Variants in RBFOX1 observed in about 807,000 individuals in gnomAD.
The protein encoded by RBFOX1 is RNA binding protein fox-1 homolog 1.
In RBFOX1, 8 loss-of-function variants were observed where a neutral mutation model predicts 57.7. That is an observed-to-expected ratio of 0.14 (90% CI 0.08 to 0.25). The LOEUF (loss-of-function observed/expected upper bound fraction) is 0.25. Among genes scored for constraint, RBFOX1 ranks in the 10% least tolerant of loss-of-function variants. RBFOX1 has a pLI of 1.00. For synonymous variants in RBFOX1, 326 were observed against 222.4 expected, an observed-to-expected ratio of 1.47 and a Z score of -4.15; for missense variants, 611 against 548.5, an observed-to-expected ratio of 1.11 and a Z score of -1.14.
At chr16:5,591,368 CA>C (rs1161314603) in intron 2 of RBFOX1, among the ~76,000 whole-genome samples, 22 of 151,886 alleles carry the variant, frequency 1.4e-4, no homozygotes, top group Non-Finnish European at 2.8e-4. Flanking sequence ...TCTCCTGCCT[CA>C]GCCTCCCTAG....
At chr16:5,672,754 T>C (rs1239605348) in intron 3 of RBFOX1, among the ~76,000 whole-genome samples, 1 of 152,130 alleles carries the variant, frequency 6.6e-6, no homozygotes, top group East Asian at 1.9e-4. Flanking sequence ...TGCCTGTAAT[T>C]TGTGTGGCTC....
chr16:6,635,366 T>G (rs2098423236), intron 2 of RBFOX1, among the ~76,000 whole-genome samples: 1 of 152,118 alleles, frequency 6.6e-6, no homozygotes, highest in African/African-American at 2.4e-5. Context: ...TAAGTACAAG[T>G]GAAATCATTT....
At chr16:5,904,535 G>A (rs1325744037) in intron 4 of RBFOX1, among the ~76,000 whole-genome samples, 1 of 151,760 alleles carries the variant, frequency 6.6e-6, no homozygotes, top group Non-Finnish European at 1.5e-5. Flanking sequence ...TAGGCGGAAG[G>A]CAGGCAGGTG....
At chr16:7,678,919 T>G (rs570401093) in intron 14 of RBFOX1, among the ~76,000 whole-genome samples, 1 of 152,334 alleles carries the variant, frequency 6.6e-6, no homozygotes, top group Non-Finnish European at 1.5e-5. Context: ...TACCATAGTT[T>G]CAGTTGAAGA....
At chr16:5,631,562 A>G (rs1567322340) in intron 3 of RBFOX1, among the ~76,000 whole-genome samples, 1 of 152,080 alleles carries the variant, frequency 6.6e-6, no homozygotes, top group Admixed American at 6.6e-5. Context: ...TATTTAAAAA[A>G]AAAAAAAAAG....
rs143989300 is a variant in RBFOX1, at chr16:5,779,487, C to G, written c.319-87816C>G. Among the ~76,000 whole-genome samples the G allele has an allele frequency of 8.8e-4, 134 of 152,270 alleles. 1 individual carries two copies. The highest frequency in any genetic ancestry group is 3.5e-3 in the Admixed American group (53 of 15,294). ...TTACATGACTTATTGAGCCATTTAT[C>G]TCATGGTGTGGGGCCCAAGCTCTGT... On this transcript the variant is annotated intron_variant, in intron 3 of 19. Transcript: ENST00000641259.
intron 4 of RBFOX1, among the ~76,000 whole-genome samples, chr16:5,883,247 A>C (rs1226491290): frequency 1.3e-5 from 2 of 152,194 alleles, no homozygotes; most frequent in Non-Finnish European, 2.9e-5. Flanking sequence ...GTACATGTTG[A>C]TTTTAAAACA....
chr16:6,424,205 C>T (rs1157993888), intron 2 of RBFOX1, among the ~76,000 whole-genome samples: 1 of 152,218 alleles, frequency 6.6e-6, no homozygotes, highest in Admixed American at 6.5e-5. Flanking sequence ...CACCACTGCA[C>T]TGCAGCCTGG....
chr16:7,517,045 T>C (rs1196567201), intron 4 of RBFOX1, among the ~76,000 whole-genome samples: 1 of 152,048 alleles, frequency 6.6e-6, no homozygotes, highest in Non-Finnish European at 1.5e-5. Context: ...GCCTAATTGC[T>C]AAGTTTTTTT....
intron 13 of RBFOX1, among the ~76,000 whole-genome samples, chr16:7,667,019 T>G (rs1047778917): frequency 6.6e-6 from 1 of 152,174 alleles, no homozygotes; most frequent in African/African-American, 2.4e-5. Context: ...AGCCAGAAAT[T>G]ATCGTTTTCC....
chr16:5,686,175 G>T (rs1207406406), intron 3 of RBFOX1, among the ~76,000 whole-genome samples: 1 of 152,172 alleles, frequency 6.6e-6, no homozygotes, highest in Non-Finnish European at 1.5e-5. Flanking sequence ...AAGCAACATG[G>T]AATGTAGAAA....
rs71404558 is a variant in RBFOX1, at chr16:5,890,697, G to GAAA, written c.351+23384_351+23386dup. ...GGGTGACAGACAGAGAGTCTGTATT[G>GAAA]AAAAAAAAAAAAAAAAAAAAAAAAG... On this transcript the variant is annotated intron_variant, in intron 4 of 19. Transcript: ENST00000641259. Among the ~76,000 whole-genome samples, 456 of 61,446 alleles carry GAAA rather than the reference G, an allele frequency of 7.4e-3. 8 individuals carry two copies. Among genetic ancestry groups the GAAA allele is most frequent in the Middle Eastern group, 0.016 (1 of 62 alleles). 40.3% of individuals were successfully genotyped at this position (61,446 alleles called of 152,430 possible). A position where few individuals can be genotyped will look rare whatever the true frequency, so the allele number is the denominator to read the frequency against.
intron 2 of RBFOX1, among the ~76,000 whole-genome samples, chr16:6,389,031 C>G (rs2092454016): frequency 6.6e-6 from 1 of 152,170 alleles, no homozygotes; most frequent in African/African-American, 2.4e-5. Context: ...TACTGAGTTA[C>G]CTAAACTAGT....
intron 2 of RBFOX1, among the ~76,000 whole-genome samples, chr16:5,525,573 C>G (rs1207335547): frequency 1.4e-5 from 2 of 146,076 alleles, no homozygotes; most frequent in Non-Finnish European, 1.5e-5. Flanking sequence ...TCTCAGCTCA[C>G]TGCATTCTCC....
chr16:6,410,168 C>CTGTGTGTGTGTGTGTGTG (rs3066618), intron 2 of RBFOX1, among the ~76,000 whole-genome samples: 5 of 146,942 alleles, frequency 3.4e-5, no homozygotes, highest in South Asian at 2.2e-4. Context: ...CATCATAAGG[C>CTGTGTGTGTGTGTGTGTG]TGTGTGTGTG....
At chr16:7,363,015 C>T (rs765963932) in intron 4 of RBFOX1, among the ~76,000 whole-genome samples, 7 of 152,192 alleles carry the variant, frequency 4.6e-5, no homozygotes, top group Non-Finnish European at 1.0e-4. Context: ...CATGGAATGT[C>T]TCCTGAGGCT....
chr16:6,607,294 A>G (rs1402849936), intron 2 of RBFOX1, among the ~76,000 whole-genome samples: 1 of 152,184 alleles, frequency 6.6e-6, no homozygotes, highest in Non-Finnish European at 1.5e-5. Flanking sequence ...GAGAAATGTC[A>G]GCTCTCATAT....
chr16:7,506,523 A>G (rs1022643952), intron 4 of RBFOX1, among the ~76,000 whole-genome samples: 4 of 152,116 alleles, frequency 2.6e-5, no homozygotes, highest in Admixed American at 6.5e-5. Flanking sequence ...GCAAGAAAAG[A>G]TTTCTTTTCC....
At chr16:6,244,170 T>A (rs1366322451) in intron 1 of RBFOX1, among the ~76,000 whole-genome samples, 1 of 152,140 alleles carries the variant, frequency 6.6e-6, no homozygotes, top group Non-Finnish European at 1.5e-5. Context: ...CTAGTCTACC[T>A]TCTCAGTCAC....
Sources: allele counts gnomAD v4.1 joint callset (sites outside exome capture counted in the v4.1 genomes callset), GRCh38; gene constraint gnomAD v4.1.1; transcripts MANE v1.5; gene names NCBI Gene and HGNC (gene_info 2026-07-23, HGNC 2026-07-21).